The following AFF3 variants were observed in gnomAD, a reference collection of about 807,000 sequenced individuals.
AFF3 encodes the protein AF4/FMR2 family member 3.
In AFF3, 32 loss-of-function variants were observed where a neutral mutation model predicts 129.7. The observed-to-expected ratio is 0.25, with a 90% CI of 0.19 to 0.33. The LOEUF (loss-of-function observed/expected upper bound fraction) is 0.33. Ranked by LOEUF, AFF3 falls within the 10% of genes least tolerant of loss-of-function variation. The pLI is 1.00. For synonymous variants in AFF3, 644 were observed against 635.4 expected (o/e 1.01, Z -0.20); for missense variants, 1,373 against 1,592.0 (o/e 0.86, Z 2.34).
At chr2:99,902,347 G>C (rs557040785) in intron 7 of AFF3, among the ~76,000 whole-genome samples, 9 of 152,116 alleles carry the variant, frequency 5.9e-5, no homozygotes, top group Middle Eastern at 3.4e-3. Context: ...AAACCAATGA[G>C]CGATAAACTC....
chr2:99,673,726 A>G (rs1687372040), intron 11 of AFF3, among the ~76,000 whole-genome samples: 3 of 152,310 alleles, frequency 2.0e-5, no homozygotes, highest in South Asian at 2.1e-4. Context: ...GTGTCCTTTA[A>G]AAGCCGGTTG....
intron 14 of AFF3, among the ~76,000 whole-genome samples, chr2:99,595,857 G>A (rs1011671966): frequency 6.6e-6 from 1 of 152,226 alleles, no homozygotes; most frequent in African/African-American, 2.4e-5. Context: ...GGCAACCAGA[G>A]CTATGACAGG....
chr2:99,819,376 T>C (rs1203174222), intron 8 of AFF3, among the ~76,000 whole-genome samples: 2 of 152,216 alleles, frequency 1.3e-5, no homozygotes, highest in Admixed American at 6.5e-5. Flanking sequence ...CTCACAAATA[T>C]TCTACAAATG....
rs532643422 is a variant in AFF3 at position 99,948,209 on chromosome 2, T to C, written c.873+58423A>G. Among the ~76,000 whole-genome samples, 3 of 152,266 alleles carry C rather than the reference T, an allele frequency of 2.0e-5. No homozygotes were observed. The East Asian group carries it at 5.8e-4, about 30-fold the overall frequency. On this transcript the variant is annotated intron_variant, in intron 7 of 24. Transcript: ENST00000672756. ...GTGGGACTCGGAGCTCTCTGGTCTG[T>C]GGCTGAGGTTCACTGCATGTCATGA...
At chr2:99,598,026 C>G (rs1405070079) in intron 14 of AFF3, among the ~76,000 whole-genome samples, 1 of 152,170 alleles carries the variant, frequency 6.6e-6, no homozygotes, top group African/African-American at 2.4e-5. Context: ...TAAGAACGAT[C>G]TAGGGCAGCA....
At chr2:100,041,822 G>A (rs1365265355) in intron 4 of AFF3, among the ~76,000 whole-genome samples, 1 of 152,038 alleles carries the variant, frequency 6.6e-6, no homozygotes, top group Non-Finnish European at 1.5e-5. Flanking sequence ...ACATATAGAA[G>A]GGATATTTGC....
chr2:99,937,676 C>T (rs1322474052), intron 7 of AFF3, among the ~76,000 whole-genome samples: 1 of 152,218 alleles, frequency 6.6e-6, no homozygotes, highest in African/African-American at 2.4e-5. Flanking sequence ...GGATTACAGG[C>T]ATAAGCCACC....
chr2:99,834,704 C>G (rs1688739079), intron 8 of AFF3, among the ~76,000 whole-genome samples: 1 of 152,204 alleles, frequency 6.6e-6, no homozygotes, highest in Non-Finnish European at 1.5e-5. Context: ...GAGCTTGAAT[C>G]TCATTCCTTG....
rs148194469 is a variant in AFF3, at chr2:99,801,767, G to A, written c.921+35710C>T. Among the ~76,000 whole-genome samples the A allele has an allele frequency of 2.6e-4, 39 of 152,248 alleles. No individual in the cohort carries two copies. In the East Asian group the frequency reaches 6.0e-3, roughly 23 times the overall value. The stretch of plus-strand genomic sequence containing the variant: ...TGTATTTATCTTTGTCCAGAAAAGC[G>A]GAAATTGTAAAAACAAATTCTATAG... On this transcript the variant is annotated intron_variant, in intron 8 of 24. Coordinates refer to ENST00000672756, the MANE Select transcript of AFF3 (RefSeq NM_001386135.1).
intron 7 of AFF3, among the ~76,000 whole-genome samples, chr2:99,954,582 G>T (rs1676453930): frequency 6.6e-6 from 1 of 151,930 alleles, no homozygotes; most frequent in African/African-American, 2.4e-5. Context: ...ATACTATGCA[G>T]CCATAAAAAA....
At chr2:100,045,830 GAAT>G (rs1685787617) in intron 4 of AFF3, among the ~76,000 whole-genome samples, 1 of 151,966 alleles carries the variant, frequency 6.6e-6, no homozygotes, top group Admixed American at 6.5e-5. Context: ...CTTATTGTAA[GAAT>G]AATATCTATC....
At chr2:99,807,893 T>C (rs1686478034) in intron 8 of AFF3, among the ~76,000 whole-genome samples, 1 of 152,192 alleles carries the variant, frequency 6.6e-6, no homozygotes. Flanking sequence ...ACTCTGTTCC[T>C]GAATACAACC....
At position 99,820,870 on chromosome 2, in the gene AFF3, CTT is replaced by C. The variant is rs869085194; in HGVS notation, c.921+16605_921+16606del. Among the ~76,000 whole-genome samples the C allele has an allele frequency of 4.6e-3, 466 of 101,690 alleles. 2 individuals carry two copies. The highest frequency in any genetic ancestry group is 0.016 in the African/African-American group (445 of 27,710). 66.7% of individuals were successfully genotyped at this position (101,690 alleles called of 152,430 possible). A position where few individuals can be genotyped will look rare whatever the true frequency, so the allele number is the denominator to read the frequency against. ...AATATCACTGTCTTCTCCTCCACAT[CTT>C]TTTTTTTTTTTTTTTTTTTGGATAG... On this transcript the variant is annotated intron_variant, in intron 8 of 24. Transcript: ENST00000672756.
chr2:99,675,132 CA>C (rs1397694048), intron 11 of AFF3, among the ~76,000 whole-genome samples: 2 of 152,156 alleles, frequency 1.3e-5, no homozygotes, highest in Admixed American at 6.5e-5. Context: ...ATCACTCTGT[CA>C]CTGACTTTAC....
intron 7 of AFF3, 130 bp from the exon 8 acceptor site, chr2:99,837,654 CCTGGGA>C (rs1688991837): frequency 1.3e-6 from 1 of 743,112 alleles, no homozygotes; most frequent in African/African-American, 1.8e-5. Context: ...GGATGCCTGA[CCTGGGA>C]CTGGCAGACA....
chr2:99,803,572 TA>T (rs550502144), intron 8 of AFF3, among the ~76,000 whole-genome samples: 73 of 151,578 alleles, frequency 4.8e-4, no homozygotes, highest in Admixed American at 4.0e-3. Flanking sequence ...CACAGAACAA[TA>T]AAAAAAATCC....
chr2:99,552,988 A>G (rs1674543729), intron 24 of AFF3, among the ~76,000 whole-genome samples: 1 of 152,084 alleles, frequency 6.6e-6, no homozygotes, highest in African/African-American at 2.4e-5. Context: ...GCTGGAGTGC[A>G]ATGGTGCGAT....
chr2:99,798,440 T>C (rs896658074), intron 8 of AFF3, among the ~76,000 whole-genome samples: 9 of 151,936 alleles, frequency 5.9e-5, no homozygotes, highest in African/African-American at 2.2e-4. Flanking sequence ...TTCCATCCTG[T>C]TTTTATTTAT....
chr2:99,662,039 C>T (rs1219212743), intron 12 of AFF3, among the ~76,000 whole-genome samples: 1 of 152,008 alleles, frequency 6.6e-6, no homozygotes, highest in African/African-American at 2.4e-5. Context: ...ACTCAGGAGG[C>T]TGAGGCAGGA....
Sources: gnomAD v4.1 joint callset for allele counts (sites outside exome capture counted in the v4.1 genomes callset) on GRCh38, gnomAD v4.1.1 for gene constraint, MANE v1.5 for transcripts, NCBI Gene and HGNC (gene_info 2026-07-23, HGNC 2026-07-21) for gene names.